BTG3: variants seen among roughly 807,000 people sequenced by gnomAD.
BTG3 encodes BTG anti-proliferation factor 3, also known as protein BTG3.
Under a neutral mutation model 25.8 loss-of-function variants are expected in BTG3, and 4 were observed. The observed-to-expected ratio is 0.16, with a 90% confidence interval of 0.08 to 0.36. The LOEUF is 0.36. BTG3 is among the 10% of genes least tolerant of loss of function. The pLI is 1.00. For missense variants in BTG3, 201 were observed against 304.9 expected, an observed-to-expected ratio of 0.66 and a Z score of 2.54; for synonymous variants, 107 against 99.9, an observed-to-expected ratio of 1.07 and a Z score of -0.42.
chr21:17,600,891 C>T (rs1280228759), intron 3 of BTG3, among the ~76,000 whole-genome samples: 1 of 151,988 alleles, frequency 6.6e-6, no homozygotes, highest in South Asian at 2.1e-4. Context: ...GGGCTGGGCG[C>T]GGTGGCTCAT....
chr21:17,606,125 T>G (rs1264765108), intron 2 of BTG3, among the ~76,000 whole-genome samples: 3 of 152,188 alleles, frequency 2.0e-5, no homozygotes, highest in African/African-American at 2.4e-5. Context: ...TTTAAAAAAT[T>G]TATTATGCAA....
chr21:17,598,859 G>A, intron 3 of BTG3, 35 bp from the exon 4 acceptor site: 1 of 1,567,672 alleles, frequency 6.4e-7, no homozygotes, highest in Non-Finnish European at 8.7e-7. Flanking sequence ...AAATCTTGAA[G>A]TCACATCAGC....
Position 17,610,928 on chromosome 21 carries a change from A to G in BTG3, c.-9+1771T>C, listed in dbSNP as rs2061712369. ...GGAACCTCACTGTGAAATAAATTCTACACAGTTATCTGAGAGGTGTGCTGG... is the reference window on the plus strand; with the variant it reads ...GGAACCTCACTGTGAAATAAATTCTGCACAGTTATCTGAGAGGTGTGCTGG... On this transcript the variant is annotated intron_variant, in intron 1 of 4. Coordinates refer to ENST00000348354, the MANE Select transcript of BTG3 (RefSeq NM_006806.5). Among the ~76,000 whole-genome samples the G allele has an allele frequency of 1.3e-5, 2 of 150,678 alleles. 1 individual carries two copies. Among genetic ancestry groups the G allele is most frequent in the East Asian group, 4.6e-4 (2 of 4,386 alleles).
chr21:17,610,239 A>C (rs1289703718), intron 1 of BTG3, among the ~76,000 whole-genome samples: 3 of 152,216 alleles, frequency 2.0e-5, no homozygotes, highest in African/African-American at 7.2e-5. Context: ...ATATTTACTA[A>C]ATTTCACTAT....
intron 3 of BTG3, among the ~76,000 whole-genome samples, chr21:17,601,144 CAG>C (rs1430564365): frequency 6.7e-6 from 1 of 149,552 alleles, no homozygotes; most frequent in Non-Finnish European, 1.5e-5. Flanking sequence ...GCCTGGGCGA[CAG>C]AGTGAGACTC....
chr21:17,609,091 T>C lies in BTG3; in HGVS notation c.54A>G (p.Lys18=). ...CTGCCTCTTTTTTCAACTTATCATGTTTTCGAACTAGCCTTGTGAAAAAGA... is the reference window on the plus strand; with the variant it reads ...CTGCCTCTTTTTTCAACTTATCATGCTTTCGAACTAGCCTTGTGAAAAAGA... ...VVFFFTRLVR[K]HDKLKKEAVE... Residue 18 remains lysine (K), a synonymous_variant, in exon 2 of 5, where the codon AAA becomes AAG. Coordinates refer to ENST00000348354, the MANE Select transcript of BTG3 (RefSeq NM_006806.5). 6.2e-7 allele frequency: 1 copy of C among 1,614,154 alleles called. No individual in the cohort carries two copies. The highest frequency in any genetic ancestry group is 8.5e-7 in the Non-Finnish European group (1 of 1,180,012).
chr21:17,611,181 G>T (rs745410394), intron 1 of BTG3, among the ~76,000 whole-genome samples: 1 of 152,142 alleles, frequency 6.6e-6, no homozygotes, highest in Non-Finnish European at 1.5e-5. Flanking sequence ...ACCACGATAC[G>T]ATGGAAAAGA....
chr21:17,596,598 G>A (rs1047407275), intron 4 of BTG3, among the ~76,000 whole-genome samples: 1 of 151,986 alleles, frequency 6.6e-6, no homozygotes, highest in Non-Finnish European at 1.5e-5. Context: ...AAGACTAACT[G>A]TATGTATGTG....
Position 17,604,931 on chromosome 21 carries a change from G to A in BTG3, c.240C>T (p.Cys80=). ...PDVLKACENS[C]ILYSDLGLPK... is the part of the protein sequence containing the mutation. ...GCAAGCCCAGGTCACTATACAAGAT[G>A]CAGCTGTTTTCACAGGCTTTCAGGA... Residue 80 remains cysteine, a synonymous_variant, in exon 3 of 5, where the codon TGC becomes TGT. Transcript: ENST00000348354. 1.2e-6 allele frequency: 2 copies of A among 1,614,144 alleles called. No homozygotes were observed. The highest frequency in any genetic ancestry group is 1.7e-6 in the Non-Finnish European group (2 of 1,180,018).
rs2061754110 is a variant in BTG3, at chr21:17,612,818, C to G, written c.-128G>C. On this transcript the variant is annotated 5_prime_UTR_variant, in exon 1 of 5. Transcript: ENST00000348354. ...GGGCAACAGGGAGCGCAGCGAGCCT[C>G]GTCCGGCGCGTGCGGCTCCCGCGTC... 1 of 152,220 alleles carries G rather than the reference C, an allele frequency of 6.6e-6. No homozygotes were observed. The highest frequency in any genetic ancestry group is 2.4e-5 in the African/African-American group (1 of 41,458). The allele number at this position is 152,220 out of a possible 1,614,324, so 9.4% of individuals were successfully genotyped here. A position where few individuals can be genotyped will look rare whatever the true frequency, so the allele number is the denominator to read the frequency against.
Position 17,605,053 on chromosome 21 carries a change from G to A in BTG3, c.174-56C>T, listed in dbSNP as rs538682550. On this transcript the variant is annotated intron_variant, in intron 2 of 4. Coordinates refer to ENST00000348354, the MANE Select transcript of BTG3 (RefSeq NM_006806.5). Reference sequence around the variant, plus strand: ...TTAAATGAATTTAATCATAAACGCCGTAATATCTATTCATACTTGCCAAGG... The same window carrying A: ...TTAAATGAATTTAATCATAAACGCCATAATATCTATTCATACTTGCCAAGG... The A allele has an allele frequency of 7.3e-4, 1,147 of 1,570,818 alleles. 17 individuals are homozygous for A. The South Asian group carries it at 0.012, about 17-fold the overall frequency.
intron 1 of BTG3, among the ~76,000 whole-genome samples, chr21:17,610,985 A>G (rs2061713450): frequency 6.6e-6 from 1 of 152,152 alleles, no homozygotes; most frequent in Non-Finnish European, 1.5e-5. Context: ...AGGGGAAGGC[A>G]CACAAATCTT....
intron 2 of BTG3, among the ~76,000 whole-genome samples, chr21:17,607,567 A>G (rs948378625): frequency 6.6e-6 from 1 of 152,196 alleles, no homozygotes; most frequent in Non-Finnish European, 1.5e-5. Context: ...AGCTCACTTG[A>G]CTTTCAGTAC....
At chr21:17,594,734 T>C (rs879339137) in intron 4 of BTG3, among the ~76,000 whole-genome samples, 1 of 151,998 alleles carries the variant, frequency 6.6e-6, no homozygotes, top group African/African-American at 2.4e-5. Flanking sequence ...CTTAGCAAAC[T>C]AATGCAGAAA....
chr21:17,606,060 C>T (rs1398568814), intron 2 of BTG3, among the ~76,000 whole-genome samples: 1 of 151,954 alleles, frequency 6.6e-6, no homozygotes, highest in Non-Finnish European at 1.5e-5. Flanking sequence ...AAAAAGTTCT[C>T]AACAGGTAAT....
In BTG3 at chr21:17,593,995, AACT is replaced by A; in HGVS notation, c.*95_*97del. 7.1e-7 allele frequency: 1 copy of A among 1,408,980 alleles called. No homozygotes were observed. Among genetic ancestry groups the A allele is most frequent in the Non-Finnish European group, 9.5e-7 (1 of 1,053,344 alleles). The allele number at this position is 1,408,980 out of a possible 1,614,324, so 87.3% of individuals were successfully genotyped here. ...ATAAGTTTGATGGTTTGGCCCATCTAACTTCACTACTATTAGTAAGAACTTTTA... is the reference window on the plus strand; with the variant it reads ...ATAAGTTTGATGGTTTGGCCCATCTATCACTACTATTAGTAAGAACTTTTA... On this transcript the variant is annotated 3_prime_UTR_variant, in exon 5 of 5. Coordinates refer to ENST00000348354, the MANE Select transcript of BTG3 (RefSeq NM_006806.5).
rs539771472 is a variant in BTG3, at chr21:17,606,112, C to T, written c.174-1115G>A. Among the ~76,000 whole-genome samples the T allele has an allele frequency of 1.0e-3, 154 of 152,208 alleles. 1 individual carries two copies. The highest frequency in any genetic ancestry group is 3.7e-3 in the African/African-American group (152 of 41,538). ...ACATAATAATATTAACAATAATAAGCATTTTAAAAAATTTATTATGCAATG... is the reference window on the plus strand; with the variant it reads ...ACATAATAATATTAACAATAATAAGTATTTTAAAAAATTTATTATGCAATG... On this transcript the variant is annotated intron_variant, in intron 2 of 4. Coordinates refer to ENST00000348354, the MANE Select transcript of BTG3 (RefSeq NM_006806.5).
chr21:17,609,121 A>G lies in BTG3; in HGVS notation c.24T>C (p.Val8=), dbSNP rs561585495. The change falls in exon 2 of 5, where the codon GTT becomes GTC. Residue 8 remains valine (V), a synonymous_variant. Transcript: ENST00000348354. ...GAACTAGCCTTGTGAAAAAGAAGAC[A>G]ACGGCAGCAATTTCATTCTTCATTT... MKNEIAA[V]VFFFTRLVRK... 1.9e-6 allele frequency: 3 copies of G among 1,609,602 alleles called. No homozygotes were observed. Among genetic ancestry groups the G allele is most frequent in the African/African-American group, 1.3e-5 (1 of 74,702 alleles).
At chr21:17,607,737 A>G (rs2061663135) in intron 2 of BTG3, among the ~76,000 whole-genome samples, 1 of 152,238 alleles carries the variant, frequency 6.6e-6, no homozygotes, top group Non-Finnish European at 1.5e-5. Context: ...ACACAAATAA[A>G]AGAGTATTTC....
Sources: gnomAD v4.1 joint callset for allele counts (sites outside exome capture counted in the v4.1 genomes callset) on GRCh38, gnomAD v4.1.1 for gene constraint, MANE v1.5 for transcripts, NCBI Gene and HGNC (gene_info 2026-07-23, HGNC 2026-07-21) for gene names.